Variants in PPP2R1B observed in about 807,000 individuals in gnomAD.
The protein encoded by PPP2R1B is protein phosphatase 2 scaffold subunit Abeta.
In PPP2R1B, 58 loss-of-function variants were observed where a neutral mutation model predicts 72.7. The ratio of observed to expected loss-of-function variants is 0.80; its 90% CI spans 0.65 to 0.99. The LOEUF is 0.99. Ranked by LOEUF, PPP2R1B falls within the 50% of genes least tolerant of loss-of-function variation. PPP2R1B has a pLI of 0.00. For missense variants in PPP2R1B, 695 were observed against 733.6 expected (o/e 0.95, Z 0.61); for synonymous variants, 256 against 264.6 (o/e 0.97, Z 0.32).
chr11:111,732,858 G>A (rs964256254), intron 15 of PPP2R1B, among the ~76,000 whole-genome samples: 5 of 152,202 alleles, frequency 3.3e-5, no homozygotes, highest in Non-Finnish European at 5.9e-5. Flanking sequence ...TGGGTGCTAT[G>A]TGGCTACAAA....
the PPP2R1B span, among the ~76,000 whole-genome samples, chr11:111,714,234 C>T: frequency 6.6e-6 from 1 of 152,158 alleles, no homozygotes; most frequent in African/African-American, 2.4e-5. Flanking sequence ...AGGAAAAGGG[C>T]ACATGCAGGG....
In PPP2R1B at chr11:111,739,042, G is replaced by T. The variant is rs1358922117; in HGVS notation, c.*2554C>A. 1 of 985,326 alleles carries T rather than the reference G, an allele frequency of 1.0e-6. No homozygotes were observed. The highest frequency in any genetic ancestry group is 1.7e-5 in the African/African-American group (1 of 57,306). 61.0% of individuals were successfully genotyped at this position (985,326 alleles called of 1,614,324 possible). ...CACAGAACTGTAGTCTAAGCCAGGG[G>T]ACCAGAAAAGGGCCACATAAAGCTT... On this transcript the variant is annotated 3_prime_UTR_variant, in exon 15 of 15. Coordinates refer to ENST00000527614, the MANE Select transcript of PPP2R1B (RefSeq NM_002716.5).
chr11:111,701,154 A>G, the PPP2R1B span: 1 of 1,147,214 alleles, frequency 8.7e-7, no homozygotes, highest in Non-Finnish European at 1.2e-6. The surrounding 1 kb of genome is among the most constrained non-coding windows in gnomAD (Gnocchi z 4.2). Context: ...TACTCAGAGC[A>G]TCTTGAAATG....
At chr11:111,731,226 G>C (rs1425725900) in intron 15 of PPP2R1B, among the ~76,000 whole-genome samples, 2 of 152,232 alleles carry the variant, frequency 1.3e-5, no homozygotes, top group Admixed American at 1.3e-4. Flanking sequence ...TAGGAGGAGG[G>C]GAGGCAGATG....
Position 111,738,063 on chromosome 11 carries a change from C to A in PPP2R1B, c.*3533G>T, listed in dbSNP as rs562641054. On this transcript the variant is annotated 3_prime_UTR_variant, in exon 15 of 15. Coordinates refer to ENST00000527614, the MANE Select transcript of PPP2R1B (RefSeq NM_002716.5). ...GGGGACAGTGAGACTATTCTAGGTA[C>A]AGAGGACTGGAGGGAGACATGCGAG... The A allele has an allele frequency of 4.0e-6, 4 of 998,482 alleles. No homozygotes were observed. In the South Asian group the frequency reaches 1.8e-4, roughly 44 times the overall value. The allele number at this position is 998,482 out of a possible 1,614,324, so 61.9% of individuals were successfully genotyped here.
At chr11:111,761,669 A>G (rs185076398) in intron 3 of PPP2R1B, among the ~76,000 whole-genome samples, 1 of 152,388 alleles carries the variant, frequency 6.6e-6, no homozygotes, top group Non-Finnish European at 1.5e-5. Context: ...AGTGAAAACT[A>G]CAGAGACTGG....
the PPP2R1B span, among the ~76,000 whole-genome samples, chr11:111,695,520 A>C: frequency 6.6e-6 from 1 of 152,254 alleles, no homozygotes; most frequent in Non-Finnish European, 1.5e-5. Context: ...TTGCAACAGT[A>C]AACATTGACA....
chr11:111,745,234 TAG>T (rs1228216584), intron 11 of PPP2R1B, among the ~76,000 whole-genome samples: 1 of 152,036 alleles, frequency 6.6e-6, no homozygotes, highest in Non-Finnish European at 1.5e-5. Flanking sequence ...GTGTTTTTAG[TAG>T]AGACAGGGTT....
chr11:111,739,103 G>A lies in PPP2R1B; in HGVS notation c.*2493C>T. ...AGCAGGAAAATCTTTCTGTCAGTGG[G>A]AGAATAAGACACAGTCTGGTTCTTT... is the stretch of plus-strand genomic sequence containing the variant. On this transcript the variant is annotated 3_prime_UTR_variant, in exon 15 of 15. Coordinates refer to ENST00000527614, the MANE Select transcript of PPP2R1B (RefSeq NM_002716.5). 2.0e-6 allele frequency: 2 copies of A among 985,368 alleles called. No individual in the cohort carries two copies. The highest frequency in any genetic ancestry group is 2.4e-6 in the Non-Finnish European group (2 of 829,924). The allele number at this position is 985,368 out of a possible 1,614,324, so 61.0% of individuals were successfully genotyped here.
At chr11:111,693,363 A>T in the PPP2R1B span, among the ~76,000 whole-genome samples, 2 of 151,672 alleles carry the variant, frequency 1.3e-5, no homozygotes, top group Non-Finnish European at 2.9e-5. Flanking sequence ...GACACTAATG[A>T]GCCATGGATT....
intron 5 of PPP2R1B, among the ~76,000 whole-genome samples, chr11:111,758,783 C>G (rs1478421776): frequency 6.6e-6 from 1 of 151,834 alleles, no homozygotes; most frequent in Non-Finnish European, 1.5e-5. Flanking sequence ...CATAGGTGAT[C>G]GTTAACAAGT....
Position 111,760,627 on chromosome 11 carries a change from C to T in PPP2R1B, c.539+192G>A, listed in dbSNP as rs569889747. Among the ~76,000 whole-genome samples the T allele has an allele frequency of 1.1e-4, 16 of 151,554 alleles. No homozygotes were observed. In the South Asian group the frequency reaches 1.7e-3, roughly 16 times the overall value. ...TTGTGCCACCGCACTCCAGCCTAGA[C>T]AACAGAGCAAGACCTTATCTCTTAA... On this transcript the variant is annotated intron_variant, in intron 4 of 14. Transcript: ENST00000527614.
the PPP2R1B span, among the ~76,000 whole-genome samples, chr11:111,702,450 G>GT: frequency 6.6e-6 from 1 of 152,188 alleles, no homozygotes; most frequent in African/African-American, 2.4e-5. Context: ...TTAGCCGGGT[G>GT]TGGTGGCATG....
At chr11:111,759,692 C>T (rs1459283834) in intron 5 of PPP2R1B, 112 bp downstream of exon 5, 97 of 1,234,930 alleles carry the variant, frequency 7.9e-5, no homozygotes, top group Non-Finnish European at 9.8e-5. Context: ...AGAATCAGCA[C>T]TAATTCTGTA....
In PPP2R1B at chr11:111,747,977, C is replaced by A; in HGVS notation, c.1376G>T (p.Cys459Phe). 6.2e-7 allele frequency: 1 copy of A among 1,613,446 alleles called. No homozygotes were observed. The highest frequency in any genetic ancestry group is 8.5e-7 in the Non-Finnish European group (1 of 1,179,746). Residue 459 changes from cysteine to phenylalanine, a missense_variant, in exon 11 of 15, where the codon TGT becomes TTT. Transcript: ENST00000527614. ...ACCATGGTCCACGAGCCAAGCCATACATAAAGAATTCAGCTTTTCATCAAA... is the reference window on the plus strand; with the variant it reads ...ACCATGGTCCACGAGCCAAGCCATAAATAAAGAATTCAGCTTTTCATCAAA... ...EFFDEKLNSL[C>F]MAWLVDHVYA...
In PPP2R1B at chr11:111,747,955, A is replaced by G; in HGVS notation, c.1398T>C (p.His466=). 6.2e-7 allele frequency: 1 copy of G among 1,610,440 alleles called. No individual in the cohort carries two copies. ...NSLCMAWLVD[H]VYAIREAATN... ...AATAATCTGTTTTTATCTACTCACC[A>G]TGGTCCACGAGCCAAGCCATACATA... Residue 466 remains histidine, a splice_region_variant and synonymous_variant, in exon 11 of 15, where the codon CAT becomes CAC. Coordinates refer to ENST00000527614, the MANE Select transcript of PPP2R1B (RefSeq NM_002716.5).
chr11:111,753,716 TC>T, intron 8 of PPP2R1B, 139 bp from the exon 9 acceptor site: 1 of 841,762 alleles, frequency 1.2e-6, no homozygotes, highest in Non-Finnish European at 1.8e-6. Flanking sequence ...AGCCTCACCC[TC>T]CCAGGCTCAA....
the PPP2R1B span, among the ~76,000 whole-genome samples, chr11:111,714,711 CCAT>C: frequency 6.6e-6 from 1 of 152,184 alleles, no homozygotes. Flanking sequence ...AGAAGGCCGA[CCAT>C]GAGTTCAGCC....
chr11:111,754,633 C>A, intron 7 of PPP2R1B, 64 bp from the exon 8 acceptor site: 1 of 1,553,818 alleles, frequency 6.4e-7, no homozygotes, highest in Non-Finnish European at 8.6e-7. Flanking sequence ...CAAATGAGGA[C>A]ATTTAACCAG....
Sources: allele counts gnomAD v4.1 joint callset (sites outside exome capture counted in the v4.1 genomes callset), GRCh38; gene constraint gnomAD v4.1.1; non-coding constraint Gnocchi (gnomAD v3.1); transcripts MANE v1.5; gene names NCBI Gene and HGNC (gene_info 2026-07-23, HGNC 2026-07-21).